Variants in IL1RAPL2 observed in about 807,000 individuals in gnomAD.
IL1RAPL2 encodes X-linked interleukin-1 receptor accessory protein-like 2.
In IL1RAPL2, 3 loss-of-function variants were observed where a neutral mutation model predicts 44.1. That is an observed-to-expected ratio of 0.07 (90% CI 0.03 to 0.18). IL1RAPL2 has a LOEUF of 0.18. Among genes scored for constraint, IL1RAPL2 ranks in the 10% least tolerant of loss-of-function variants. The pLI, the probability that IL1RAPL2 is intolerant of heterozygous loss-of-function variation, is 1.00. For synonymous variants in IL1RAPL2, 181 were observed against 178.8 expected, an observed-to-expected ratio of 1.01 and a Z score of -0.10; for missense variants, 391 against 496.4, an observed-to-expected ratio of 0.79 and a Z score of 2.02.
intron 5 of IL1RAPL2, among the ~76,000 whole-genome samples, chrX:105,447,448 TATAA>T (rs1170287174): frequency 1.4e-5 from 1 of 72,286 alleles, no homozygotes; most frequent in Non-Finnish European, 2.3e-5. Context: ...AGTATATAAA[TATAA>T]ATAAACATAA....
intron 2 of IL1RAPL2, among the ~76,000 whole-genome samples, chrX:104,719,132 AACT>A (rs1160007053): frequency 8.9e-6 from 1 of 112,106 alleles, no homozygotes; most frequent in African/African-American, 3.2e-5. Context: ...ACAAAGACAA[AACT>A]ACTGTGAAAT....
intron 2 of IL1RAPL2, among the ~76,000 whole-genome samples, chrX:105,009,716 T>C (rs1395603617): frequency 9.1e-6 from 1 of 109,867 alleles, no homozygotes; most frequent in Non-Finnish European, 1.9e-5. Context: ...AACCTGCACA[T>C]TGTGCACATG....
intron 1 of IL1RAPL2, among the ~76,000 whole-genome samples, chrX:104,595,003 C>A (rs1004699633): frequency 1.8e-5 from 2 of 111,896 alleles, no homozygotes; most frequent in East Asian, 5.6e-4. Flanking sequence ...ATGGGAATGA[C>A]AAACCGTCGA....
At chrX:104,589,285 C>A (rs1450718382) in intron 1 of IL1RAPL2, among the ~76,000 whole-genome samples, 1 of 112,223 alleles carries the variant, frequency 8.9e-6, no homozygotes, top group Non-Finnish European at 1.9e-5. Context: ...GTCCAAGTCC[C>A]AAAGCTGAAG....
intron 2 of IL1RAPL2, among the ~76,000 whole-genome samples, chrX:104,677,930 AGGCAAT>A (rs1370310080): frequency 5.3e-5 from 6 of 112,391 alleles, no homozygotes; most frequent in African/African-American, 1.9e-4. Context: ...TTCCCCAGTG[AGGCAAT>A]GCCTCACCCT....
rs139292189 is a variant in IL1RAPL2 at position 104,956,539 on chromosome X, G to A, written c.83-238936G>A. On this transcript the variant is annotated intron_variant, in intron 2 of 10. Transcript: ENST00000372582. ...GCATATCTCAGCTACTGGAGAGGCTGAGTCAAGAGAATTGCTTGAACCTGC... is the reference window on the plus strand; with the variant it reads ...GCATATCTCAGCTACTGGAGAGGCTAAGTCAAGAGAATTGCTTGAACCTGC... Among the ~76,000 whole-genome samples, 1,047 of 106,563 alleles carry A rather than the reference G, an allele frequency of 9.8e-3. 16 individuals are homozygous for A. The highest frequency in any genetic ancestry group is 0.025 in the Middle Eastern group (5 of 204). The allele number at this position is 106,563 out of a possible 115,157, so 92.5% of individuals were successfully genotyped here. A position where few individuals can be genotyped will look rare whatever the true frequency, so the allele number is the denominator to read the frequency against.
chrX:104,626,838 T>G (rs923524266), intron 1 of IL1RAPL2, among the ~76,000 whole-genome samples: 8 of 107,846 alleles, frequency 7.4e-5, no homozygotes, highest in Admixed American at 2.0e-4. Context: ...TTTTTTTTTT[T>G]GAGACAGAGT....
intron 5 of IL1RAPL2, among the ~76,000 whole-genome samples, chrX:105,418,940 T>G (rs1735889656): frequency 8.9e-6 from 1 of 112,276 alleles, no homozygotes; most frequent in Non-Finnish European, 1.9e-5. Context: ...CATCACTGGT[T>G]TACTCTGCAA....
intron 2 of IL1RAPL2, among the ~76,000 whole-genome samples, chrX:105,049,161 G>GTT (rs59979651): frequency 2.0e-5 from 2 of 99,303 alleles, no homozygotes; most frequent in African/African-American, 3.6e-5. Context: ...ACTACTTATG[G>GTT]TTTTTTTTTT....
At chrX:104,606,839 C>T (rs750705723) in intron 1 of IL1RAPL2, among the ~76,000 whole-genome samples, 7 of 110,354 alleles carry the variant, frequency 6.3e-5, no homozygotes, top group Non-Finnish European at 1.3e-4. Flanking sequence ...CTCATTGCTA[C>T]CCCCATCAAG....
intron 5 of IL1RAPL2, among the ~76,000 whole-genome samples, chrX:105,352,067 C>T (rs777760965): frequency 9.0e-6 from 1 of 110,733 alleles, no homozygotes; most frequent in Non-Finnish European, 1.9e-5. Context: ...GGACTACAGG[C>T]TCATGCCACC....
intron 2 of IL1RAPL2, among the ~76,000 whole-genome samples, chrX:105,120,208 C>T (rs1256853668): frequency 9.4e-6 from 1 of 106,298 alleles, no homozygotes; most frequent in Non-Finnish European, 1.9e-5. Context: ...CCAGCAAAAC[C>T]TGTATGATAC....
At chrX:105,049,478 G>T (rs2031889694) in intron 2 of IL1RAPL2, among the ~76,000 whole-genome samples, 1 of 111,276 alleles carries the variant, frequency 9.0e-6, no homozygotes, top group Non-Finnish European at 1.9e-5. Flanking sequence ...TCAGTGCTGA[G>T]GGAATTACAT....
chrX:105,164,059 G>A (rs747434820), intron 2 of IL1RAPL2, among the ~76,000 whole-genome samples: 1 of 101,197 alleles, frequency 9.9e-6, no homozygotes, highest in East Asian at 3.2e-4. Context: ...TTAAAGGTAG[G>A]AAAAAATAAC....
chrX:105,291,546 A>G (rs1437042368), intron 5 of IL1RAPL2, among the ~76,000 whole-genome samples: 1 of 111,969 alleles, frequency 8.9e-6, no homozygotes, highest in Non-Finnish European at 1.9e-5. Flanking sequence ...AAGGAAGTGA[A>G]AAGAAAATTT....
intron 5 of IL1RAPL2, among the ~76,000 whole-genome samples, chrX:105,366,580 T>C (rs1203239121): frequency 9.0e-6 from 1 of 111,725 alleles, no homozygotes; most frequent in African/African-American, 3.2e-5. Context: ...ATTTTTATTT[T>C]TATTTCTTCT....
At chrX:104,710,214 G>T (rs1367016938) in intron 2 of IL1RAPL2, among the ~76,000 whole-genome samples, 2 of 111,444 alleles carry the variant, frequency 1.8e-5, no homozygotes, top group African/African-American at 3.2e-5. Flanking sequence ...ACTTAAAATT[G>T]CCAAAAGGTG....
At chrX:105,747,941 G>C (rs976737001) in intron 8 of IL1RAPL2, among the ~76,000 whole-genome samples, 10 of 111,007 alleles carry the variant, frequency 9.0e-5, no homozygotes, top group Non-Finnish European at 1.9e-4. Flanking sequence ...AATCTTGTAG[G>C]TAATTTTATC....
At chrX:105,709,237 G>T (rs1221682532) in intron 6 of IL1RAPL2, among the ~76,000 whole-genome samples, 2 of 111,653 alleles carry the variant, frequency 1.8e-5, no homozygotes, top group South Asian at 3.8e-4. Context: ...GCAAGGTAGG[G>T]TTTATAGGCA....
Sources: gnomAD v4.1 joint callset for allele counts (sites outside exome capture counted in the v4.1 genomes callset) on GRCh38, gnomAD v4.1.1 for gene constraint, MANE v1.5 for transcripts, NCBI Gene and HGNC (gene_info 2026-07-23, HGNC 2026-07-21) for gene names.